The following ZNF782 variants were observed in gnomAD, a reference collection of about 807,000 sequenced individuals.
ZNF782 encodes zinc finger protein 782.
In ZNF782, 12 loss-of-function variants were observed where a neutral mutation model predicts 13.0. The observed-to-expected ratio is 0.92, with a 90% CI of 0.59 to 1.50. ZNF782 has a LOEUF of 1.50. Among genes scored for constraint, ZNF782 ranks in the 40% most tolerant of loss-of-function variants. The pLI, the probability that ZNF782 is intolerant of heterozygous loss-of-function variation, is 0.00. For missense variants in ZNF782, 770 were observed against 822.9 expected, an observed-to-expected ratio of 0.94 and a Z score of 0.79; for synonymous variants, 284 against 283.0, an observed-to-expected ratio of 1.00 and a Z score of -0.04.
At chr9:96,903,556 G>GT in the ZNF782 span, among the ~76,000 whole-genome samples, 48,462 of 75,500 alleles carry the variant, frequency 0.64, 17,933 homozygotes, top group South Asian at 0.76. Flanking sequence ...TTTTATGTTG[G>GT]TTTTTTTTTT....
chr9:96,851,948 T>C lies in ZNF782; in HGVS notation c.14A>G (p.Gln5Arg), dbSNP rs1350586937. 1 of 1,614,018 alleles carries C rather than the reference T, an allele frequency of 6.2e-7. No individual in the cohort carries two copies. Among genetic ancestry groups the C allele is most frequent in the Non-Finnish European group, 8.5e-7 (1 of 1,179,866 alleles). MNTF[Q>R]ASVSFQDVTV... is the part of the protein sequence containing the mutation. ...GTGGGGAATGAATAAAAAGCTTACC[T>C]GAAATGTGTTCATTTTCTGTGGCTC... Residue 5 changes from glutamine (Q) to arginine (R), a missense_variant and splice_region_variant, in exon 3 of 6, where the codon CAG becomes CGG. Coordinates refer to ENST00000481138, the MANE Select transcript of ZNF782 (RefSeq NM_001001662.3).
the ZNF782 span, among the ~76,000 whole-genome samples, chr9:96,925,275 T>G: frequency 0.18 from 26,245 of 149,390 alleles, 5,847 homozygotes; most frequent in African/African-American, 0.52. Context: ...GAGGGACGCC[T>G]CACCAGGGCG....
chr9:96,884,062 C>T, the ZNF782 span, among the ~76,000 whole-genome samples: 3 of 152,218 alleles, frequency 2.0e-5, no homozygotes, highest in African/African-American at 7.2e-5. Flanking sequence ...GCTGTACTAC[C>T]CTCTACCCTG....
chr9:96,840,785 A>G (rs948596055), intron 4 of ZNF782, among the ~76,000 whole-genome samples: 1 of 152,062 alleles, frequency 6.6e-6, no homozygotes, highest in Non-Finnish European at 1.5e-5. Flanking sequence ...TTTTTATGGC[A>G]CTAAATGTGT....
At chr9:96,820,671 T>C (rs1850389261) in intron 5 of ZNF782, among the ~76,000 whole-genome samples, 1 of 151,766 alleles carries the variant, frequency 6.6e-6, no homozygotes. Context: ...TGTCTCAGCC[T>C]CCCGAGTAGC....
chr9:96,869,340 AT>A (rs1851797922), intron 1 of ZNF782, among the ~76,000 whole-genome samples: 1 of 152,234 alleles, frequency 6.6e-6, no homozygotes, highest in African/African-American at 2.4e-5. Flanking sequence ...ACCCTTTCAA[AT>A]AATCATACAT....
At chr9:96,847,529 A>G (rs1047325149) in intron 3 of ZNF782, among the ~76,000 whole-genome samples, 5 of 152,192 alleles carry the variant, frequency 3.3e-5, no homozygotes, top group African/African-American at 9.6e-5. Flanking sequence ...CAAGACTACT[A>G]TGAACGCCTT....
the ZNF782 span, among the ~76,000 whole-genome samples, chr9:96,917,915 T>C: frequency 0.02 from 2,990 of 150,088 alleles, 177 homozygotes; most frequent in East Asian, 0.23. Context: ...TGTGTGTGTG[T>C]GTGTGTGTGT....
At chr9:96,829,544 A>G (rs1349536564) in intron 4 of ZNF782, among the ~76,000 whole-genome samples, 1 of 152,216 alleles carries the variant, frequency 6.6e-6, no homozygotes, top group Admixed American at 6.5e-5. Context: ...TCCTTTCTCA[A>G]TAATTTATAG....
chr9:96,865,663 A>G (rs1245877609), intron 1 of ZNF782, among the ~76,000 whole-genome samples: 1 of 152,226 alleles, frequency 6.6e-6, no homozygotes, highest in Non-Finnish European at 1.5e-5. Context: ...ACTGGGTAAC[A>G]GGCAGAGGTT....
At chr9:96,829,034 GA>G (rs1013871512) in intron 4 of ZNF782, among the ~76,000 whole-genome samples, 3 of 76,128 alleles carry the variant, frequency 3.9e-5, no homozygotes, top group East Asian at 3.3e-4. Flanking sequence ...AGTACTTAAA[GA>G]AAAAAAATCA....
the ZNF782 span, among the ~76,000 whole-genome samples, chr9:96,900,063 T>G: frequency 1.3e-5 from 2 of 152,028 alleles, no homozygotes; most frequent in African/African-American, 4.8e-5. Flanking sequence ...CCTCCCAAAG[T>G]GCTGGGATTA....
upstream of ZNF782, among the ~76,000 whole-genome samples, chr9:96,859,005 C>G (rs532689390): frequency 6.6e-6 from 1 of 151,818 alleles, no homozygotes; most frequent in Non-Finnish European, 1.5e-5. Context: ...TGCCCACCCA[C>G]GGAGGGAACA....
At chr9:96,880,635 C>A in the ZNF782 span, among the ~76,000 whole-genome samples, 1 of 152,166 alleles carries the variant, frequency 6.6e-6, no homozygotes, top group African/African-American at 2.4e-5. Context: ...GCTGAATAAA[C>A]CACACCTAGT....
chr9:96,827,977 T>C (rs935235557), intron 4 of ZNF782, among the ~76,000 whole-genome samples: 5 of 151,998 alleles, frequency 3.3e-5, no homozygotes, highest in Admixed American at 6.6e-5. Flanking sequence ...TGTGACAAAA[T>C]TGGATGTTTA....
At chr9:96,826,883 TG>T (rs1416980585) in intron 5 of ZNF782, among the ~76,000 whole-genome samples, 196 bp downstream of exon 5, 10 of 152,236 alleles carry the variant, frequency 6.6e-5, no homozygotes, top group Non-Finnish European at 1.5e-4. Flanking sequence ...AAACTGTGCT[TG>T]GGGAACTATC....
chr9:96,818,694 G>C lies in ZNF782; in HGVS notation c.1329C>G (p.Thr443=). 6.2e-7 allele frequency: 1 copy of C among 1,612,636 alleles called. No homozygotes were observed. Among genetic ancestry groups the C allele is most frequent in the Non-Finnish European group, 8.5e-7 (1 of 1,179,642 alleles). ...AKSGLRIHQR[T]HTGEKPFECH... is the part of the protein sequence containing the mutation. ...ATTCGAATGGTTTCTCCCCTGTGTG[G>C]GTTCTCTGGTGTATTCTTAGGCCTG... is the stretch of plus-strand genomic sequence containing the variant. The change falls in exon 6 of 6, where the codon ACC becomes ACG. Residue 443 remains threonine (T), a synonymous_variant. Coordinates refer to ENST00000481138, the MANE Select transcript of ZNF782 (RefSeq NM_001001662.3).
At chr9:96,922,806 T>C in the ZNF782 span, among the ~76,000 whole-genome samples, 10 of 150,996 alleles carry the variant, frequency 6.6e-5, no homozygotes, top group Admixed American at 2.0e-4. Context: ...TTGGGGGAAG[T>C]GTAAACCACA....
the ZNF782 span, among the ~76,000 whole-genome samples, chr9:96,911,516 G>GTTT: frequency 8.9e-6 from 1 of 111,950 alleles, no homozygotes; most frequent in African/African-American, 3.4e-5. Flanking sequence ...TTTTGTTTTT[G>GTTT]TTTTGTTTTG....
Sources: gnomAD v4.1 joint callset for allele counts (sites outside exome capture counted in the v4.1 genomes callset) on GRCh38, gnomAD v4.1.1 for gene constraint, MANE v1.5 for transcripts, NCBI Gene and HGNC (gene_info 2026-07-23, HGNC 2026-07-21) for gene names.